EYA4: variants seen among roughly 807,000 people sequenced by gnomAD.
EYA4 encodes protein phosphatase EYA4.
Under a neutral mutation model 87.9 loss-of-function variants are expected in EYA4, and 31 were observed. The ratio of observed to expected loss-of-function variants is 0.35; its 90% CI spans 0.27 to 0.48. The LOEUF is 0.48. Among genes scored for constraint, EYA4 ranks in the 20% least tolerant of loss-of-function variants. EYA4 has a pLI of 0.99. For missense variants in EYA4, 678 were observed against 761.4 expected (o/e 0.89, Z 1.29); for synonymous variants, 263 against 270.6 (o/e 0.97, Z 0.28).
intron 1 of EYA4, among the ~76,000 whole-genome samples, chr6:133,255,133 T>G (rs1274517827): frequency 6.6e-6 from 1 of 152,212 alleles, no homozygotes; most frequent in Non-Finnish European, 1.5e-5. Flanking sequence ...TTTGGTTCAG[T>G]GCCTGGCCCA....
At chr6:133,517,744 G>A (rs985246776) in intron 17 of EYA4, among the ~76,000 whole-genome samples, 1 of 152,128 alleles carries the variant, frequency 6.6e-6, no homozygotes, top group Non-Finnish European at 1.5e-5. Flanking sequence ...TGGGGGCTGT[G>A]GCAGGGTTGA....
chr6:133,306,974 G>A (rs1779857767), intron 2 of EYA4, among the ~76,000 whole-genome samples: 1 of 152,216 alleles, frequency 6.6e-6, no homozygotes, highest in Non-Finnish European at 1.5e-5. Context: ...TGCACACACA[G>A]TAAGTGTTAT....
intron 10 of EYA4, among the ~76,000 whole-genome samples, chr6:133,466,002 T>C (rs1181941680): frequency 6.6e-6 from 1 of 152,150 alleles, no homozygotes; most frequent in Non-Finnish European, 1.5e-5. Context: ...TATGCATTTA[T>C]TTATTGGTCC....
intron 3 of EYA4, among the ~76,000 whole-genome samples, chr6:133,423,625 A>G (rs1017222959): frequency 2.0e-5 from 3 of 152,244 alleles, no homozygotes; most frequent in Non-Finnish European, 4.4e-5. Context: ...CAAAGGTAGT[A>G]TAGTTTTATA....
At chr6:133,381,566 G>A (rs1009504000) in intron 2 of EYA4, among the ~76,000 whole-genome samples, 2 of 152,048 alleles carry the variant, frequency 1.3e-5, no homozygotes, top group African/African-American at 4.8e-5. Context: ...GCATAGTTAA[G>A]TTATTGAAAT....
At chr6:133,267,624 C>G (rs1252369288) in intron 1 of EYA4, among the ~76,000 whole-genome samples, 1 of 152,156 alleles carries the variant, frequency 6.6e-6, no homozygotes, top group Non-Finnish European at 1.5e-5. Context: ...CTCAGGTGAT[C>G]CGCCCACCTC....
intron 11 of EYA4, among the ~76,000 whole-genome samples, chr6:133,469,504 A>G (rs1795143859): frequency 6.6e-6 from 1 of 152,044 alleles, no homozygotes; most frequent in Non-Finnish European, 1.5e-5. Flanking sequence ...AGACACATAG[A>G]GCAATGAAAC....
chr6:133,448,301 A>C, intron 5 of EYA4, 122 bp downstream of exon 5: 1 of 761,504 alleles, frequency 1.3e-6, no homozygotes, highest in South Asian at 1.4e-5. Context: ...AAAAGGAAAA[A>C]TGAACATGCC....
chr6:133,330,523 T>C (rs369425), intron 2 of EYA4, among the ~76,000 whole-genome samples: 36,853 of 149,348 alleles, frequency 0.25, 5,489 homozygotes, highest in Middle Eastern at 0.35. Flanking sequence ...ATGACAAATA[T>C]CAAAACTACA....
chr6:133,490,632 G>A (rs1335714717), intron 13 of EYA4, among the ~76,000 whole-genome samples: 1 of 151,788 alleles, frequency 6.6e-6, no homozygotes, highest in Admixed American at 6.6e-5. Context: ...TAATAATAAA[G>A]GAGTCAAATC....
intron 2 of EYA4, among the ~76,000 whole-genome samples, chr6:133,332,157 C>T (rs551713331): frequency 6.6e-6 from 1 of 152,288 alleles, no homozygotes; most frequent in Admixed American, 6.5e-5. Context: ...TTCTCCTTTC[C>T]CTTAGTTGCC....
intron 2 of EYA4, among the ~76,000 whole-genome samples, chr6:133,275,655 T>G (rs1246919691): frequency 7.9e-5 from 12 of 152,050 alleles, no homozygotes; most frequent in Non-Finnish European, 1.5e-5. Flanking sequence ...TTATATCTAA[T>G]AATGTGGTTC....
intron 5 of EYA4, among the ~76,000 whole-genome samples, chr6:133,451,115 C>T (rs563029727): frequency 2.0e-5 from 3 of 152,270 alleles, no homozygotes; most frequent in African/African-American, 7.2e-5. Context: ...CTATTTAGCT[C>T]TGCTATTGTT....
chr6:133,522,464 A>G (rs1170455424), intron 17 of EYA4, among the ~76,000 whole-genome samples: 1 of 152,146 alleles, frequency 6.6e-6, no homozygotes, highest in Non-Finnish European at 1.5e-5. Flanking sequence ...AGTAGAATAC[A>G]AAATTGAATA....
chr6:133,498,021 T>C (rs1797779745), intron 13 of EYA4, among the ~76,000 whole-genome samples: 1 of 152,212 alleles, frequency 6.6e-6, no homozygotes, highest in South Asian at 2.1e-4. Context: ...ATTGCTTGTA[T>C]ATTGAACAGT....
chr6:133,378,364 G>A (rs918924434), intron 2 of EYA4, among the ~76,000 whole-genome samples: 1 of 152,030 alleles, frequency 6.6e-6, no homozygotes, highest in Non-Finnish European at 1.5e-5. Context: ...CATTAAATGA[G>A]ATTATATATA....
intron 2 of EYA4, among the ~76,000 whole-genome samples, chr6:133,311,499 G>A (rs942610463): frequency 6.6e-6 from 1 of 151,574 alleles, no homozygotes; most frequent in Non-Finnish European, 1.5e-5. Flanking sequence ...CTAATTTTTT[G>A]TGGAGATGGG....
At chr6:133,279,429 T>G (rs191476313) in intron 2 of EYA4, among the ~76,000 whole-genome samples, 96 of 152,250 alleles carry the variant, frequency 6.3e-4, no homozygotes, top group Admixed American at 2.7e-3. Flanking sequence ...TATGATTCAT[T>G]AATACTTCTG....
At chr6:133,525,125 C>G in intron 18 of EYA4, 29 bp from the exon 19 acceptor site, 2 of 1,613,608 alleles carry the variant, frequency 1.2e-6, no homozygotes, top group Non-Finnish European at 1.7e-6. Context: ...GGTAACTTCA[C>G]TCTGAACTTT....
Sources: allele counts gnomAD v4.1 joint callset (sites outside exome capture counted in the v4.1 genomes callset), GRCh38; gene constraint gnomAD v4.1.1; transcripts MANE v1.5; gene names NCBI Gene and HGNC (gene_info 2026-07-23, HGNC 2026-07-21).